Variants in MAST2 observed in about 807,000 individuals in gnomAD.
The protein encoded by MAST2 is microtubule associated serine/threonine kinase 2.
A neutral mutation model predicts 147.4 loss-of-function variants in MAST2; 70 were observed. The ratio of observed to expected loss-of-function variants is 0.47; its 90% confidence interval spans 0.39 to 0.58. MAST2 has a LOEUF of 0.58. MAST2 is among the 20% of genes least tolerant of loss of function. The pLI, the probability that MAST2 is intolerant of heterozygous loss-of-function variation, is 0.00. For missense variants in MAST2, 2,080 were observed against 2,302.3 expected (o/e 0.90, Z 1.98); for synonymous variants, 869 against 896.8 (o/e 0.97, Z 0.55).
chr1:45,928,125 T>A (rs951863912), intron 4 of MAST2, among the ~76,000 whole-genome samples: 1 of 152,224 alleles, frequency 6.6e-6, no homozygotes, highest in Non-Finnish European at 1.5e-5. Context: ...TCATACTACA[T>A]CCCCAGTATC....
chr1:45,821,294 T>C (rs1485524130), intron 1 of MAST2, among the ~76,000 whole-genome samples: 1 of 152,180 alleles, frequency 6.6e-6, no homozygotes, highest in Non-Finnish European at 1.5e-5. Flanking sequence ...TCTGATGAGA[T>C]ATGAGCTGTT....
In MAST2 at chr1:46,029,765, A is replaced by C. The variant is rs987284654; in HGVS notation, c.2321-66A>C. On this transcript the variant is annotated intron_variant, in intron 19 of 28. Transcript: ENST00000361297. The stretch of plus-strand genomic sequence containing the variant: ...GCTTCTGAAGGTCTGGCTTCTTGCT[A>C]GATTTGCTGACCTAGACTCCATGCT... 6 of 1,583,376 alleles carry C rather than the reference A, an allele frequency of 3.8e-6. No individual in the cohort carries two copies. The Middle Eastern group carries it at 9.4e-4, about 248-fold the overall frequency.
At chr1:45,955,151 T>G (rs1335736012) in intron 4 of MAST2, among the ~76,000 whole-genome samples, 1 of 152,134 alleles carries the variant, frequency 6.6e-6, no homozygotes, top group African/African-American at 2.4e-5. Flanking sequence ...TAATTTCTGA[T>G]GAGAAGAGAG....
chr1:45,960,774 A>T (rs1466424617), intron 5 of MAST2, among the ~76,000 whole-genome samples: 1 of 152,238 alleles, frequency 6.6e-6, no homozygotes, highest in African/African-American at 2.4e-5. Flanking sequence ...AGAACTGTTC[A>T]GAGCTTGCTG....
chr1:45,804,814 T>C (rs1644090619), intron 1 of MAST2, among the ~76,000 whole-genome samples: 1 of 152,204 alleles, frequency 6.6e-6, no homozygotes. Context: ...AAAGGTCAGT[T>C]TTATCAGGCA....
chr1:45,929,760 CTTTG>C (rs759805173), intron 4 of MAST2, among the ~76,000 whole-genome samples: 3 of 151,530 alleles, frequency 2.0e-5, no homozygotes, highest in Admixed American at 6.6e-5. Flanking sequence ...ATTTTCATGG[CTTTG>C]TTTGTTAATA....
intron 4 of MAST2, among the ~76,000 whole-genome samples, chr1:45,908,161 T>G (rs1289039180): frequency 6.6e-6 from 1 of 152,252 alleles, no homozygotes; most frequent in Non-Finnish European, 1.5e-5. Context: ...TTCTTTTCTT[T>G]ATTATATTTT....
chr1:45,879,119 G>A (rs1210591479), intron 3 of MAST2, among the ~76,000 whole-genome samples: 2 of 151,880 alleles, frequency 1.3e-5, no homozygotes, highest in Admixed American at 6.6e-5. Context: ...AAATAGATCA[G>A]TAGGATGCAA....
At chr1:45,907,342 G>A (rs938393639) in intron 4 of MAST2, among the ~76,000 whole-genome samples, 1 of 151,482 alleles carries the variant, frequency 6.6e-6, no homozygotes, top group Non-Finnish European at 1.5e-5. Context: ...TTTCTCCAAT[G>A]TTTTCTTCTA....
At position 45,877,345 on chromosome 1, in the gene MAST2, A is replaced by G. The variant is rs374640505; in HGVS notation, c.469-5019A>G. Among the ~76,000 whole-genome samples, 14 of 152,132 alleles carry G rather than the reference A, an allele frequency of 9.2e-5. No individual in the cohort carries two copies. The East Asian group carries it at 1.7e-3, about 19-fold the overall frequency. On this transcript the variant is annotated intron_variant, in intron 3 of 28. Transcript: ENST00000361297. ...GGGCTTAAGGGATTCTCCTGCCTCAATCTCCTGAGTAGCTGGGACTACAGG... is the reference window on the plus strand; with the variant it reads ...GGGCTTAAGGGATTCTCCTGCCTCAGTCTCCTGAGTAGCTGGGACTACAGG...
In MAST2 at chr1:45,971,042, A is replaced by T. The variant is rs976792112; in HGVS notation, c.592+11565A>T. Among the ~76,000 whole-genome samples, 68 of 152,352 alleles carry T rather than the reference A, an allele frequency of 4.5e-4. 1 individual carries two copies. The highest frequency in any genetic ancestry group is 1.5e-3 in the African/African-American group (61 of 41,574). On this transcript the variant is annotated intron_variant, in intron 5 of 28. Transcript: ENST00000361297. ...AGACAAGCGATTTTAAAAAGTTTTA[A>T]TAAAAGTAATACAAACTATGACAAT...
intron 4 of MAST2, among the ~76,000 whole-genome samples, chr1:45,889,562 T>C (rs1647351438): frequency 6.6e-6 from 1 of 152,168 alleles, no homozygotes; most frequent in African/African-American, 2.4e-5. Flanking sequence ...TTTCTCCATG[T>C]TTTACACAAT....
chr1:45,925,853 C>G (rs1654280019), intron 4 of MAST2, among the ~76,000 whole-genome samples: 1 of 152,200 alleles, frequency 6.6e-6, no homozygotes, highest in Admixed American at 6.5e-5. Flanking sequence ...AAGCTTTCAT[C>G]CAGTGGTACC....
At chr1:45,840,254 TTAATACA>T (rs1190912580) in intron 3 of MAST2, among the ~76,000 whole-genome samples, 1 of 152,226 alleles carries the variant, frequency 6.6e-6, no homozygotes, top group African/African-American at 2.4e-5. Flanking sequence ...TGTTTGGATT[TTAATACA>T]TATCACTACC....
At chr1:45,926,970 C>T (rs1004517618) in intron 4 of MAST2, among the ~76,000 whole-genome samples, 1 of 152,078 alleles carries the variant, frequency 6.6e-6, no homozygotes, top group African/African-American at 2.4e-5. Context: ...TTTTCCTAAG[C>T]GTCGGCTGGC....
chr1:45,933,764 A>G (rs1655746918), intron 4 of MAST2, among the ~76,000 whole-genome samples: 1 of 151,970 alleles, frequency 6.6e-6, no homozygotes, highest in South Asian at 2.1e-4. Context: ...TCAAAAAAAA[A>G]GAGAAAGTGA....
At chr1:45,969,153 G>C (rs1331994032) in intron 5 of MAST2, among the ~76,000 whole-genome samples, 1 of 152,136 alleles carries the variant, frequency 6.6e-6, no homozygotes, top group African/African-American at 2.4e-5. Flanking sequence ...TTCCTAGTCT[G>C]ATCATTGCAA....
intron 5 of MAST2, among the ~76,000 whole-genome samples, chr1:45,980,406 G>T (rs1488003276): frequency 6.6e-6 from 1 of 151,990 alleles, no homozygotes; most frequent in East Asian, 1.9e-4. Flanking sequence ...CCAAACCTCA[G>T]CATCACGCAA....
In MAST2 at chr1:46,033,979, T is replaced by C; in HGVS notation, c.3674+41T>C. 3 of 1,611,726 alleles carry C rather than the reference T, an allele frequency of 1.9e-6. No individual in the cohort carries two copies. The South Asian group carries it at 3.3e-5, about 18-fold the overall frequency. Reference sequence around the variant, plus strand: ...TGAAGAGGGTTTTCTCTGAGCCACATGAGTGCTGGTACGTGGTGGGTGCCT... The same window carrying C: ...TGAAGAGGGTTTTCTCTGAGCCACACGAGTGCTGGTACGTGGTGGGTGCCT... On this transcript the variant is annotated intron_variant, in intron 27 of 28. Transcript: ENST00000361297.
Sources: allele counts gnomAD v4.1 joint callset (sites outside exome capture counted in the v4.1 genomes callset), GRCh38; gene constraint gnomAD v4.1.1; transcripts MANE v1.5; gene names NCBI Gene and HGNC (gene_info 2026-07-23, HGNC 2026-07-21).